The following PPP3CA variants were observed in gnomAD, a reference collection of about 807,000 sequenced individuals.
The protein encoded by PPP3CA is CAM-PRP catalytic subunit.
In PPP3CA, 14 loss-of-function variants were observed where a neutral mutation model predicts 66.5. That is an observed-to-expected ratio of 0.21 (90% CI 0.14 to 0.33). The LOEUF is 0.33. Among genes scored for constraint, PPP3CA ranks in the 10% least tolerant of loss-of-function variants. The pLI is 1.00. For missense variants in PPP3CA, 317 were observed against 639.5 expected (o/e 0.50, Z 5.44); for synonymous variants, 232 against 226.2 (o/e 1.03, Z -0.23).
Position 101,067,549 on chromosome 4 carries a change from A to C in PPP3CA, c.956-4192T>G, listed in dbSNP as rs540519198. ...TGAAATTTTGATGAGACAAAAAAAA[A>C]AACAACTAGTATTTCATAAGAACAT... is the stretch of plus-strand genomic sequence containing the variant. On this transcript the variant is annotated intron_variant, in intron 8 of 13. Transcript: ENST00000394854. Among the ~76,000 whole-genome samples the C allele has an allele frequency of 8.6e-5, 13 of 151,736 alleles. No individual in the cohort carries two copies. In the South Asian group the frequency reaches 1.3e-3, roughly 15 times the overall value.
At chr4:101,342,166 C>G (rs1048011777) in intron 1 of PPP3CA, among the ~76,000 whole-genome samples, 5 of 152,010 alleles carry the variant, frequency 3.3e-5, no homozygotes, top group Non-Finnish European at 7.4e-5. Context: ...TAGAGTAAAC[C>G]TCATTAATTA....
At chr4:101,345,606 C>T (rs1729956937) in intron 1 of PPP3CA, among the ~76,000 whole-genome samples, 1 of 152,168 alleles carries the variant, frequency 6.6e-6, no homozygotes, top group African/African-American at 2.4e-5. Context: ...CCAAGTGGTT[C>T]TGCTCTGTTG....
In PPP3CA at chr4:101,278,136, A is replaced by ATAAAT. The variant is rs1400201070; in HGVS notation, c.58+68602_58+68603insATTTA. Reference sequence around the variant, plus strand: ...AAAGCTATTAGTAAAAAAAAAAAAAAAAATAAAAAAATTAAAAAGTTATTT... The same window carrying ATAAAT: ...AAAGCTATTAGTAAAAAAAAAAAAAATAAATAAATAAAAAAATTAAAAAGTTATTT... On this transcript the variant is annotated intron_variant, in intron 1 of 13. Coordinates refer to ENST00000394854, the MANE Select transcript of PPP3CA (RefSeq NM_000944.5). Among the ~76,000 whole-genome samples the ATAAAT allele has an allele frequency of 2.0e-3, 290 of 145,912 alleles. 1 individual carries two copies. The highest frequency in any genetic ancestry group is 7.6e-3 in the African/African-American group (279 of 36,752).
intron 2 of PPP3CA, among the ~76,000 whole-genome samples, chr4:101,117,468 T>G (rs1383254066): frequency 2.6e-5 from 4 of 151,600 alleles, no homozygotes; most frequent in Non-Finnish European, 5.9e-5. Context: ...TTTCCTCCAT[T>G]GATTGAATAC....
chr4:101,072,485 A>T (rs1240187045), intron 8 of PPP3CA, among the ~76,000 whole-genome samples: 1 of 152,190 alleles, frequency 6.6e-6, no homozygotes, highest in Non-Finnish European at 1.5e-5. Context: ...AAAAATATGC[A>T]GTTCCTTTGT....
chr4:101,080,192 C>T (rs1231789196), intron 8 of PPP3CA, among the ~76,000 whole-genome samples: 1 of 152,072 alleles, frequency 6.6e-6, no homozygotes, highest in African/African-American at 2.4e-5. Context: ...CACACTTATT[C>T]TATTTAAATC....
intron 2 of PPP3CA, among the ~76,000 whole-genome samples, chr4:101,122,348 CT>C (rs1461186504): frequency 6.6e-6 from 1 of 152,090 alleles, no homozygotes. Flanking sequence ...ATACTTTTAA[CT>C]TTTTTTATAC....
Position 101,106,436 on chromosome 4 carries a change from A to AG in PPP3CA, c.384+2517dup, listed in dbSNP as rs1347223305. The stretch of plus-strand genomic sequence containing the variant: ...AAGAAAGAAAGAAAGAAAGAAAGAA[A>AG]GAAAGAAAGAAAGAAAGAGAAAAGA... On this transcript the variant is annotated intron_variant, in intron 3 of 13. Transcript: ENST00000394854. Among the ~76,000 whole-genome samples, 11 of 13,864 alleles carry AG rather than the reference A, an allele frequency of 7.9e-4. 2 individuals carry two copies. Among genetic ancestry groups the AG allele is most frequent in the African/African-American group, 2.8e-3 (11 of 3,958 alleles). 9.1% of individuals were successfully genotyped at this position (13,864 alleles called of 152,430 possible).
intron 1 of PPP3CA, among the ~76,000 whole-genome samples, chr4:101,293,023 T>TA (rs1263429754): frequency 6.6e-6 from 1 of 152,194 alleles, no homozygotes; most frequent in African/African-American, 2.4e-5. Context: ...TTCAAAATGT[T>TA]ACATTAAAAT....
At chr4:101,180,103 C>T (rs1238686602) in intron 2 of PPP3CA, among the ~76,000 whole-genome samples, 2 of 152,142 alleles carry the variant, frequency 1.3e-5, no homozygotes, top group Non-Finnish European at 2.9e-5. Context: ...GTGGTCACAT[C>T]TAGCAGAGAT....
rs70961788 is a variant in PPP3CA, at chr4:101,333,270, G to GTTTTTT, written c.58+13463_58+13468dup. ...CTACAGGCATGCACTACCATGCCCAGTTTTTTTTTTTTTTTTTTTTTTTTT... is the reference window on the plus strand; with the variant it reads ...CTACAGGCATGCACTACCATGCCCAGTTTTTTTTTTTTTTTTTTTTTTTTTTTTTTT... On this transcript the variant is annotated intron_variant, in intron 1 of 13. Coordinates refer to ENST00000394854, the MANE Select transcript of PPP3CA (RefSeq NM_000944.5). 1.7e-3 allele frequency among the ~76,000 whole-genome samples: 78 copies of GTTTTTT among 47,268 alleles called. 15 individuals carry two copies. Among genetic ancestry groups the GTTTTTT allele is most frequent in the Non-Finnish European group, 3.1e-3 (62 of 20,154 alleles). 31.0% of individuals were successfully genotyped at this position (47,268 alleles called of 152,430 possible). A position where few individuals can be genotyped will look rare whatever the true frequency, so the allele number is the denominator to read the frequency against.
intron 1 of PPP3CA, among the ~76,000 whole-genome samples, chr4:101,296,193 G>A (rs999484467): frequency 1.3e-5 from 2 of 152,076 alleles, no homozygotes; most frequent in Admixed American, 6.5e-5. Flanking sequence ...ATAAAAGGGG[G>A]TAATTTTCCC....
intron 4 of PPP3CA, among the ~76,000 whole-genome samples, chr4:101,098,823 C>T (rs1165189858): frequency 1.3e-5 from 2 of 152,012 alleles, no homozygotes; most frequent in Non-Finnish European, 2.9e-5. Context: ...TGTACATGAA[C>T]AACTGGAAGA....
intron 1 of PPP3CA, among the ~76,000 whole-genome samples, chr4:101,227,724 C>T (rs531135624): frequency 1.2e-3 from 186 of 151,776 alleles, no homozygotes; most frequent in Non-Finnish European, 2.1e-3. Flanking sequence ...TCCTCCCCAC[C>T]ACCTTCAAGT....
At chr4:101,029,347 T>TAAAAAAAAAAAAAAAAAGAAAAAG (rs1726817662) in intron 12 of PPP3CA, 152 bp from the exon 13 acceptor site, 1 of 78,822 alleles carries the variant, frequency 1.3e-5, no homozygotes, top group Non-Finnish European at 2.1e-5. Flanking sequence ...ACAGAAATGC[T>TAAAAAAAAAAAAAAAAAGAAAAAG]AAAAAAAAAA....
At chr4:101,259,262 T>G (rs1490782389) in intron 1 of PPP3CA, among the ~76,000 whole-genome samples, 1 of 152,208 alleles carries the variant, frequency 6.6e-6, no homozygotes, top group East Asian at 1.9e-4. Flanking sequence ...ACCCAGCGGA[T>G]AGGAATCTTA....
chr4:101,133,336 A>G (rs1302492803), intron 2 of PPP3CA, among the ~76,000 whole-genome samples: 1 of 152,234 alleles, frequency 6.6e-6, no homozygotes, highest in African/African-American at 2.4e-5. Context: ...ACAAGATTGT[A>G]TATTTAGAAA....
In PPP3CA at chr4:101,023,879, TGATTA is replaced by T. The variant is rs1726497103; in HGVS notation, c.*1981_*1985del. The T allele has an allele frequency of 6.6e-6, 1 of 152,630 alleles. No individual in the cohort carries two copies. The allele number at this position is 152,630 out of a possible 1,614,324, so 9.5% of individuals were successfully genotyped here. On this transcript the variant is annotated 3_prime_UTR_variant, in exon 14 of 14. Transcript: ENST00000394854. ...TGGTGTATCTTAAATCTTCGGGTGA[TGATTA>T]GATAGTAGCTGAAGCGTGGGTATAC...
At chr4:101,085,830 G>T (rs1451729689) in intron 6 of PPP3CA, among the ~76,000 whole-genome samples, 1 of 147,182 alleles carries the variant, frequency 6.8e-6, no homozygotes, top group African/African-American at 2.6e-5. Context: ...AAAGCACTGC[G>T]TATATACACA....
Sources: allele counts gnomAD v4.1 joint callset (sites outside exome capture counted in the v4.1 genomes callset), GRCh38; gene constraint gnomAD v4.1.1; transcripts MANE v1.5; gene names NCBI Gene and HGNC (gene_info 2026-07-23, HGNC 2026-07-21).